The following PCDHGB4 variants were observed in gnomAD, a reference collection of about 807,000 sequenced individuals.
The protein encoded by PCDHGB4 is protocadherin gamma-B4.
A neutral mutation model predicts 60.5 loss-of-function variants in PCDHGB4; 38 were observed. The ratio of observed to expected loss-of-function variants is 0.63; its 90% confidence interval spans 0.48 to 0.82. The LOEUF is 0.82. Among genes scored for constraint, PCDHGB4 ranks in the 40% least tolerant of loss-of-function variants. The pLI is 0.00. For synonymous variants in PCDHGB4, 456 were observed against 509.7 expected (o/e 0.89, Z 1.42); for missense variants, 1,109 against 1,209.6 (o/e 0.92, Z 1.23).
intron 1 of PCDHGB4, chr5:141,394,449 A>T: frequency 6.2e-7 from 1 of 1,614,230 alleles, no homozygotes; most frequent in Non-Finnish European, 8.5e-7. Context: ...CAGCAGCAAC[A>T]TGTCACTGAG....
Position 141,491,260 on chromosome 5 carries a change from A to G in PCDHGB4, c.2398-3547A>G. On this transcript the variant is annotated intron_variant, in intron 1 of 3. Coordinates refer to ENST00000519479, the MANE Select transcript of PCDHGB4 (RefSeq NM_003736.4). This position sits in a 1 kb window ranked among gnomAD's most constrained non-coding sequence, Gnocchi z 6.9. ...TCTGGAGGATGAGGACCCTGAGGAA[A>G]TGCCCAAATCCAGTGACTTCCTCAT... 6.2e-7 allele frequency: 1 copy of G among 1,614,108 alleles called. No individual in the cohort carries two copies. The highest frequency in any genetic ancestry group is 1.7e-5 in the Admixed American group (1 of 60,028).
In PCDHGB4 at chr5:141,438,615, TATATATATATATATATATATACAC is replaced by T. The variant is rs1230398483; in HGVS notation, c.2397+48336_2397+48359del. ...ACATATATATATATATATATATATA[TATATATATATATATATATATACAC>T]ACACACACACACATATATGTATATA... is the stretch of plus-strand genomic sequence containing the variant. On this transcript the variant is annotated intron_variant, in intron 1 of 3. Transcript: ENST00000519479. Among the ~76,000 whole-genome samples the T allele has an allele frequency of 3.0e-3, 107 of 35,910 alleles. 2 individuals carry two copies. The highest frequency in any genetic ancestry group is 7.9e-3 in the African/African-American group (39 of 4,916). The allele number at this position is 35,910 out of a possible 152,430, so 23.6% of individuals were successfully genotyped here. A position where few individuals can be genotyped will look rare whatever the true frequency, so the allele number is the denominator to read the frequency against.
At chr5:141,494,156 C>T (rs566096073) in intron 1 of PCDHGB4, among the ~76,000 whole-genome samples, 22 of 152,316 alleles carry the variant, frequency 1.4e-4, no homozygotes, top group African/African-American at 4.3e-4. Context: ...TTGTCTGGCA[C>T]GGAGTTCTAG....
chr5:141,415,080 C>T (rs1426953509), intron 1 of PCDHGB4: 1 of 1,613,526 alleles, frequency 6.2e-7, no homozygotes, highest in African/African-American at 1.3e-5. Context: ...CGGCGCGAGC[C>T]CTGCTGGACA....
In PCDHGB4 at chr5:141,487,241, A is replaced by G. The variant is rs753291480; in HGVS notation, c.2398-7566A>G. ...TCCAAGGGAAGGAGAATCTCGTCTA[A>G]CCCTCTACTTGGCTGTGTCCCTAGT... On this transcript the variant is annotated intron_variant, in intron 1 of 3. Transcript: ENST00000519479. The surrounding 1 kb of genome is among the most constrained non-coding windows in gnomAD (Gnocchi z 5.0). 2 of 1,613,876 alleles carry G rather than the reference A, an allele frequency of 1.2e-6. No homozygotes were observed. The highest frequency in any genetic ancestry group is 3.3e-5 in the Admixed American group (2 of 59,988).
intron 1 of PCDHGB4, chr5:141,395,105 G>T: frequency 1.9e-6 from 3 of 1,614,220 alleles, no homozygotes; most frequent in Non-Finnish European, 2.5e-6. Context: ...CCGACTCGCG[G>T]AAGAGTCACC....
intron 1 of PCDHGB4, among the ~76,000 whole-genome samples, chr5:141,447,535 G>T (rs1366016262): frequency 3.3e-5 from 5 of 152,162 alleles, no homozygotes; most frequent in Admixed American, 6.5e-5. Flanking sequence ...AAATTGTTGG[G>T]TTTTAATGTT....
At chr5:141,424,198 C>A (rs116187844) in intron 1 of PCDHGB4, 2 of 181,904 alleles carry the variant, frequency 1.1e-5, no homozygotes, top group South Asian at 1.9e-4. Context: ...CACTTATACA[C>A]GTAAGCTTTT....
chr5:141,447,164 G>T (rs2098528799), intron 1 of PCDHGB4, among the ~76,000 whole-genome samples: 1 of 151,766 alleles, frequency 6.6e-6, no homozygotes, highest in South Asian at 2.1e-4. Context: ...GTTTAAGCGG[G>T]GTCTTGCTCT....
intron 1 of PCDHGB4, chr5:141,400,564 C>G (rs532914635): frequency 1.9e-6 from 3 of 1,612,936 alleles, no homozygotes; most frequent in Admixed American, 1.7e-5. Flanking sequence ...ATTACCCACC[C>G]AATTTTCTGT....
chr5:141,418,666 G>C, intron 1 of PCDHGB4: 1 of 1,614,038 alleles, frequency 6.2e-7, no homozygotes, highest in Non-Finnish European at 8.5e-7. Context: ...CCACTGACCA[G>C]GACGAGGGCA....
Position 141,415,188 on chromosome 5 carries a change from C to G in PCDHGB4, c.2397+24907C>G, listed in dbSNP as rs2095841560. On this transcript the variant is annotated intron_variant, in intron 1 of 3. Coordinates refer to ENST00000519479, the MANE Select transcript of PCDHGB4 (RefSeq NM_003736.4). Reference sequence around the variant, plus strand: ...CGCTCACCGTGGCCGTGGCCGACAGCATCCCCCAAGTCCTGGCGGACCTCG... The same window carrying G: ...CGCTCACCGTGGCCGTGGCCGACAGGATCCCCCAAGTCCTGGCGGACCTCG... 3 of 1,614,006 alleles carry G rather than the reference C, an allele frequency of 1.9e-6. No homozygotes were observed. The East Asian group carries it at 6.7e-5, about 36-fold the overall frequency.
intron 2 of PCDHGB4, among the ~76,000 whole-genome samples, chr5:141,499,214 C>T (rs1228581603): frequency 6.6e-6 from 1 of 152,074 alleles, no homozygotes; most frequent in Non-Finnish European, 1.5e-5. Flanking sequence ...TAACCCAGGC[C>T]CTGCCCTGCA....
At chr5:141,423,167 T>C in intron 1 of PCDHGB4, 1 of 1,613,424 alleles carries the variant, frequency 6.2e-7, no homozygotes, top group Non-Finnish European at 8.5e-7. Context: ...GTGGTGGCCG[T>C]CCAGGACCAC....
In PCDHGB4 at chr5:141,491,406, C is replaced by G. The variant is rs773729429; in HGVS notation, c.2398-3401C>G. On this transcript the variant is annotated intron_variant, in intron 1 of 3. Transcript: ENST00000519479. This position sits in a 1 kb window ranked among gnomAD's most constrained non-coding sequence, Gnocchi z 6.9. ...CGAAGTGCCTTCAGGGAAACGCAGA[C>G]GGGGACGGGGGTGGAGGGCAGTGCT... 9 of 1,613,978 alleles carry G rather than the reference C, an allele frequency of 5.6e-6. No homozygotes were observed.
Position 141,490,743 on chromosome 5 carries a change from C to T in PCDHGB4, c.2398-4064C>T, listed in dbSNP as rs1011278142. 7.4e-6 allele frequency: 12 copies of T among 1,614,058 alleles called. No homozygotes were observed. The highest frequency in any genetic ancestry group is 1.0e-5 in the Non-Finnish European group (12 of 1,180,038). On this transcript the variant is annotated intron_variant, in intron 1 of 3. Transcript: ENST00000519479. This position sits in a 1 kb window ranked among gnomAD's most constrained non-coding sequence, Gnocchi z 5.4. ...TTGTAGGAAATCAGGTTCAGGGAGC[C>T]CCAGCCTCCTCCTTTGTGTATGTCA...
chr5:141,456,814 ATTAGCCATCGTGG>A (rs2098889077), intron 1 of PCDHGB4, among the ~76,000 whole-genome samples: 1 of 151,928 alleles, frequency 6.6e-6, no homozygotes, highest in Non-Finnish European at 1.5e-5. Context: ...AATACAAAAA[ATTAGCCATCGTGG>A]TAGTGGGCGC....
At chr5:141,396,797 T>C (rs1043872860) in intron 1 of PCDHGB4, among the ~76,000 whole-genome samples, 1 of 152,182 alleles carries the variant, frequency 6.6e-6, no homozygotes, top group Non-Finnish European at 1.5e-5. Context: ...TTCCTAAGGA[T>C]TGTGTAGTGT....
chr5:141,458,249 GCT>G (rs1291613361), intron 1 of PCDHGB4, among the ~76,000 whole-genome samples: 1 of 152,136 alleles, frequency 6.6e-6, no homozygotes, highest in African/African-American at 2.4e-5. Flanking sequence ...AAATGATACG[GCT>G]CTGATGAGTG....
Sources: gnomAD v4.1 joint callset for allele counts (sites outside exome capture counted in the v4.1 genomes callset) on GRCh38, gnomAD v4.1.1 for gene constraint, Gnocchi (gnomAD v3.1) non-coding constraint, MANE v1.5 for transcripts, NCBI Gene and HGNC (gene_info 2026-07-23, HGNC 2026-07-21) for gene names.